DDX10: variants seen among roughly 807,000 people sequenced by gnomAD.
The protein encoded by DDX10 is probable ATP-dependent RNA helicase DDX10.
In DDX10, 74 loss-of-function variants were observed where a neutral mutation model predicts 104.3. That is an observed-to-expected ratio of 0.71 (90% CI 0.59 to 0.86). DDX10 has a LOEUF of 0.86. DDX10 is among the 40% of genes least tolerant of loss of function. The pLI is 0.00. For missense variants in DDX10, 952 were observed against 1,040.0 expected (o/e 0.92, Z 1.16); for synonymous variants, 351 against 353.4 (o/e 0.99, Z 0.08).
intron 16 of DDX10, among the ~76,000 whole-genome samples, chr11:108,872,148 CATCTT>C (rs1272636414): frequency 6.6e-6 from 1 of 152,144 alleles, no homozygotes; most frequent in East Asian, 1.9e-4. Flanking sequence ...TTTTTAAACT[CATCTT>C]CTCAGTTGTT....
chr11:108,746,471 CT>C (rs1434184727), intron 13 of DDX10, among the ~76,000 whole-genome samples: 2 of 151,952 alleles, frequency 1.3e-5, no homozygotes, highest in African/African-American at 4.8e-5. Flanking sequence ...TTGTTTCCAT[CT>C]TTTTGGCAAT....
chr11:108,852,099 C>T, intron 15 of DDX10, 54 bp from the exon 16 acceptor site: 5 of 1,362,476 alleles, frequency 3.7e-6, no homozygotes, highest in Non-Finnish European at 5.1e-6. Flanking sequence ...AATGTGTAGT[C>T]TGTTTTATAC....
At chr11:108,902,477 A>G (rs1337269576) in intron 16 of DDX10, among the ~76,000 whole-genome samples, 1 of 152,198 alleles carries the variant, frequency 6.6e-6, no homozygotes, top group East Asian at 1.9e-4. Context: ...AAACTATGTC[A>G]TTGAGAAAGT....
intron 13 of DDX10, among the ~76,000 whole-genome samples, chr11:108,731,598 G>A (rs1163195547): frequency 6.8e-6 from 1 of 148,128 alleles, no homozygotes; most frequent in African/African-American, 2.5e-5. Flanking sequence ...CTGCAGCCTC[G>A]ACCTTATGGG....
rs1372604615 is a variant in DDX10, at chr11:108,688,976, C to T, written c.889C>T (p.Leu297=). The T allele has an allele frequency of 3.1e-6, 5 of 1,613,892 alleles. No individual in the cohort carries two copies. In the African/African-American group the frequency reaches 6.7e-5, roughly 22 times the overall value. ...TLEQNYIVCE[L]QQKISVLYSF... ...GGAACAGAACTACATAGTCTGTGAG[C>T]TGCAGCAAAAAATAAGTGTGCTGTA... The change falls in exon 7 of 18, where the codon CTG becomes TTG. Residue 297 remains leucine, a synonymous_variant. Transcript: ENST00000322536.
At chr11:108,861,123 A>C (rs1862935942) in intron 16 of DDX10, among the ~76,000 whole-genome samples, 1 of 150,828 alleles carries the variant, frequency 6.6e-6, no homozygotes, top group Non-Finnish European at 1.5e-5. Flanking sequence ...TAGTAGGCGC[A>C]ATCTAATCAG....
chr11:108,843,893 T>C (rs1233472572), intron 15 of DDX10, among the ~76,000 whole-genome samples: 1 of 152,236 alleles, frequency 6.6e-6, no homozygotes, highest in Non-Finnish European at 1.5e-5. Flanking sequence ...TAGAAATAAA[T>C]AGGAATACAT....
chr11:108,753,203 A>G (rs2094340731), intron 13 of DDX10, among the ~76,000 whole-genome samples: 1 of 152,112 alleles, frequency 6.6e-6, no homozygotes, highest in Non-Finnish European at 1.5e-5. Context: ...TTAAAAATTT[A>G]TGTCTTAATC....
chr11:108,691,614 T>TTATGATG (rs1419262465), intron 7 of DDX10, among the ~76,000 whole-genome samples: 3 of 152,160 alleles, frequency 2.0e-5, no homozygotes, highest in African/African-American at 7.2e-5. Context: ...AGAAAATGAG[T>TTATGATG]TATGATAACA....
chr11:108,883,752 C>T (rs1863258476), intron 16 of DDX10, among the ~76,000 whole-genome samples: 1 of 152,206 alleles, frequency 6.6e-6, no homozygotes, highest in African/African-American at 2.4e-5. Flanking sequence ...CAACTTCTGT[C>T]TTATCAAATA....
intron 16 of DDX10, among the ~76,000 whole-genome samples, chr11:108,856,100 A>G (rs1385987376): frequency 6.6e-6 from 1 of 152,190 alleles, no homozygotes; most frequent in Middle Eastern, 3.2e-3. Context: ...TAGAGCTCTC[A>G]GAATAGGAGG....
chr11:108,778,007 A>G (rs1450903230), intron 13 of DDX10, among the ~76,000 whole-genome samples: 1 of 152,234 alleles, frequency 6.6e-6, no homozygotes, highest in African/African-American at 2.4e-5. Flanking sequence ...GGACCTCTTC[A>G]AGGAGAACTA....
intron 16 of DDX10, among the ~76,000 whole-genome samples, chr11:108,913,867 A>G (rs910796527): frequency 3.3e-5 from 5 of 152,184 alleles, no homozygotes; most frequent in African/African-American, 4.8e-5. Context: ...GTTGTAAATG[A>G]TAGTGGTTTT....
chr11:108,785,301 T>A (rs1861775346), intron 13 of DDX10, among the ~76,000 whole-genome samples: 1 of 152,218 alleles, frequency 6.6e-6, no homozygotes, highest in African/African-American at 2.4e-5. Context: ...GAGTGAACTT[T>A]TTGATGTGCT....
chr11:108,739,756 T>C (rs901040568), intron 13 of DDX10, among the ~76,000 whole-genome samples: 3 of 152,182 alleles, frequency 2.0e-5, no homozygotes, highest in African/African-American at 7.2e-5. Flanking sequence ...GATAGAATCC[T>C]GTGTTAGTTT....
chr11:108,825,476 CGT>C, intron 13 of DDX10, among the ~76,000 whole-genome samples: 1 of 152,214 alleles, frequency 6.6e-6, no homozygotes, highest in Non-Finnish European at 1.5e-5. Context: ...GTAGAATGTT[CGT>C]ATTGGCAGTA....
intron 13 of DDX10, among the ~76,000 whole-genome samples, chr11:108,750,406 A>C (rs1565267209): frequency 6.6e-6 from 1 of 152,194 alleles, no homozygotes; most frequent in Non-Finnish European, 1.5e-5. Context: ...TATGAATCTT[A>C]AGTTATCTTC....
At chr11:108,853,456 T>A (rs767850814) in intron 16 of DDX10, among the ~76,000 whole-genome samples, 8 of 152,176 alleles carry the variant, frequency 5.3e-5, no homozygotes, top group Non-Finnish European at 7.3e-5. Context: ...TTACTGTATT[T>A]CCTTTGTGTT....
At chr11:108,710,945 AG>A (rs1291149298) in intron 10 of DDX10, among the ~76,000 whole-genome samples, 4 of 152,198 alleles carry the variant, frequency 2.6e-5, no homozygotes, top group Admixed American at 6.5e-5. Context: ...TTTTATTGTT[AG>A]TAGAGACAAG....
Sources: gnomAD v4.1 joint callset for allele counts (sites outside exome capture counted in the v4.1 genomes callset) on GRCh38, gnomAD v4.1.1 for gene constraint, MANE v1.5 for transcripts, NCBI Gene and HGNC (gene_info 2026-07-23, HGNC 2026-07-21) for gene names.